The following TDRD12 variants were observed in gnomAD, a reference collection of about 807,000 sequenced individuals.
TDRD12 encodes the protein putative ATP-dependent RNA helicase TDRD12.
Under a neutral mutation model 133.5 loss-of-function variants are expected in TDRD12, and 158 were observed. The observed-to-expected ratio is 1.18, with a 90% confidence interval of 1.04 to 1.35. TDRD12 has a LOEUF of 1.35. Ranked by LOEUF, TDRD12 falls within the 40% of genes most tolerant of loss-of-function variation. TDRD12 has a pLI of 0.00. For missense variants in TDRD12, 1,443 were observed against 1,321.3 expected (o/e 1.09, Z -1.43); for synonymous variants, 460 against 477.9 (o/e 0.96, Z 0.49).
intron 1 of TDRD12, among the ~76,000 whole-genome samples, chr19:32,728,116 G>A (rs977348538): frequency 1.3e-5 from 2 of 152,058 alleles, no homozygotes; most frequent in Admixed American, 1.3e-4. Context: ...CTACTCTGTT[G>A]GTCTATATGT....
chr19:32,741,357 C>G (rs184528646), intron 3 of TDRD12, among the ~76,000 whole-genome samples: 15 of 152,318 alleles, frequency 9.8e-5, no homozygotes, highest in Non-Finnish European at 2.1e-4. Flanking sequence ...GCTGGGATTA[C>G]AGGCGTGAGC....
At chr19:32,785,993 G>T (rs1311328284) in intron 11 of TDRD12, among the ~76,000 whole-genome samples, 1 of 152,034 alleles carries the variant, frequency 6.6e-6, no homozygotes, top group African/African-American at 2.4e-5. Flanking sequence ...TGGTTATTTT[G>T]CCCATTAATT....
At chr19:32,774,904 G>A (rs1219626616) in intron 10 of TDRD12, among the ~76,000 whole-genome samples, 2 of 151,890 alleles carry the variant, frequency 1.3e-5, no homozygotes, top group Non-Finnish European at 2.9e-5. Flanking sequence ...ATAATTGCTT[G>A]AACCCAGGAG....
At chr19:32,814,478 A>G (rs907841469) in intron 25 of TDRD12, among the ~76,000 whole-genome samples, 3 of 152,190 alleles carry the variant, frequency 2.0e-5, no homozygotes, top group African/African-American at 7.2e-5. Flanking sequence ...GGGAGTTTGG[A>G]TGTAAGGTTT....
chr19:32,800,609 T>TA, intron 17 of TDRD12, 35 bp from the exon 18 acceptor site: 1 of 1,506,398 alleles, frequency 6.6e-7, no homozygotes, highest in Non-Finnish European at 8.8e-7. Context: ...CCTAAAATAT[T>TA]AAAAAGTCAC....
chr19:32,797,655 G>A (rs1345491263), intron 14 of TDRD12, 80 bp from the exon 15 acceptor site: 2 of 571,342 alleles, frequency 3.5e-6, no homozygotes, highest in Admixed American at 6.1e-5. Flanking sequence ...TTCTGTGCAA[G>A]GAGATGTTCT....
intron 3 of TDRD12, among the ~76,000 whole-genome samples, chr19:32,740,018 A>G (rs112021475): frequency 4.7e-3 from 182 of 38,944 alleles, no homozygotes; most frequent in African/African-American, 0.012. Flanking sequence ...TCTCCTGGGT[A>G]CTCTCTGCAT....
intron 18 of TDRD12, among the ~76,000 whole-genome samples, chr19:32,800,990 C>A (rs539395205): frequency 1.3e-5 from 2 of 151,304 alleles, no homozygotes; most frequent in Admixed American, 1.3e-4. Context: ...TTTTCCTCTG[C>A]AGCAGCGTTC....
At chr19:32,810,577 G>C (rs1337006790) in intron 23 of TDRD12, among the ~76,000 whole-genome samples, 1 of 152,212 alleles carries the variant, frequency 6.6e-6, no homozygotes, top group Non-Finnish European at 1.5e-5. Context: ...CTACAGATAA[G>C]AAAACAGCCT....
At position 32,742,982 on chromosome 19, in the gene TDRD12, T is replaced by C. The variant is rs546205986; in HGVS notation, c.440+82T>C. On this transcript the variant is annotated intron_variant, in intron 4 of 27. Coordinates refer to ENST00000444215, the Ensembl canonical transcript of TDRD12. ...ACGATCTTTGTATGAAGTCAGTTCC[T>C]CTGTAGAAGTGCTGAGCAGGAGGTC... 17 of 1,495,936 alleles carry C rather than the reference T, an allele frequency of 1.1e-5. No homozygotes were observed. The African/African-American group carries it at 2.1e-4, about 18-fold the overall frequency. 92.7% of individuals were successfully genotyped at this position (1,495,936 alleles called of 1,614,324 possible).
rs1966995246 is a variant in TDRD12, at chr19:32,811,272, A to AT, written c.2900_2901insT (p.Glu967AspfsTer5). 1.3e-6 allele frequency: 2 copies of AT among 1,536,128 alleles called. No homozygotes were observed. Among genetic ancestry groups the AT allele is most frequent in the Non-Finnish European group, 1.7e-6 (2 of 1,146,910 alleles). On this transcript the variant is annotated frameshift_variant, in exon 24 of 28. Transcript: ENST00000444215. LOFTEE classifies it high-confidence loss of function. ...TGGGCCCTGGATGACATCCTTGTAGAGTTCATCGATGAAGGCAGGACGGGG... is the reference window on the plus strand; with the variant it reads ...TGGGCCCTGGATGACATCCTTGTAGATGTTCATCGATGAAGGCAGGACGGGG...
At chr19:32,746,582 G>A (rs11669748) in intron 4 of TDRD12, among the ~76,000 whole-genome samples, 59,837 of 117,184 alleles carry the variant, frequency 0.51, 15,777 homozygotes, top group East Asian at 0.68. Flanking sequence ...GTGTGAGAGA[G>A]AGAGAGTCTG....
chr19:32,744,499 C>CAAAAAAAAAAAAAAAA (rs10644749), intron 4 of TDRD12, among the ~76,000 whole-genome samples: 2 of 38,092 alleles, frequency 5.3e-5, no homozygotes, highest in Admixed American at 4.7e-4. Flanking sequence ...GACTCCGTCT[C>CAAAAAAAAAAAAAAAA]AAAAAAAAAA....
exon 10 of TDRD12, chr19:32,828,653 G>C (rs1967664106): frequency 6.6e-6 from 1 of 152,194 alleles, no homozygotes; most frequent in African/African-American, 2.4e-5. Context: ...CCAGGCTTAT[G>C]TATGTCCCAG....
intron 21 of TDRD12, among the ~76,000 whole-genome samples, chr19:32,804,366 C>A (rs1234979397): frequency 6.6e-6 from 1 of 151,302 alleles, no homozygotes; most frequent in Non-Finnish European, 1.5e-5. Context: ...GCCACCGCGC[C>A]CAGCCTGATG....
At position 32,768,116 on chromosome 19, in the gene TDRD12, G is replaced by A. The variant is rs145132857; in HGVS notation, c.866-4637G>A. ...TGTCAGAGCTGAGTTGAGTGGCCGCGCCCCAGGCCACCTGTCCCACAATCC... is the reference window on the plus strand; with the variant it reads ...TGTCAGAGCTGAGTTGAGTGGCCGCACCCCAGGCCACCTGTCCCACAATCC... On this transcript the variant is annotated intron_variant, in intron 8 of 27. Coordinates refer to ENST00000444215, the Ensembl canonical transcript of TDRD12. Among the ~76,000 whole-genome samples, 381 of 152,132 alleles carry A rather than the reference G, an allele frequency of 2.5e-3. 3 individuals are homozygous for A. The highest frequency in any genetic ancestry group is 0.014 in the Middle Eastern group (4 of 294).
intron 27 of TDRD12, among the ~76,000 whole-genome samples, chr19:32,820,204 A>ACC (rs1164673982): frequency 1.3e-5 from 2 of 151,698 alleles, no homozygotes; most frequent in African/African-American, 4.8e-5. Context: ...ACAGGCACGG[A>ACC]CCCCTCCTTC....
exon 1 of TDRD12, chr19:32,720,075 G>A (rs1220503983): frequency 6.5e-7 from 1 of 1,548,488 alleles, no homozygotes; most frequent in Non-Finnish European, 8.7e-7. Context: ...CCAGGAGGAT[G>A]CTCCAGCTCC....
chr19:32,797,788 A>G, exon 15 of TDRD12: 1 of 701,726 alleles, frequency 1.4e-6, no homozygotes. Flanking sequence ...TTATTTTTGA[A>G]TTATTGGGAG....
Sources: gnomAD v4.1 joint callset for allele counts (sites outside exome capture counted in the v4.1 genomes callset) on GRCh38, gnomAD v4.1.1 for gene constraint, MANE v1.5 for transcripts, NCBI Gene and HGNC (gene_info 2026-07-23, HGNC 2026-07-21) for gene names.